The following GADL1 variants were observed in gnomAD, a reference collection of about 807,000 sequenced individuals.
The protein encoded by GADL1 is GAD like acidic amino acid decarboxylase 1.
In GADL1, 71 loss-of-function variants were observed where a neutral mutation model predicts 69.5. The observed-to-expected ratio is 1.02, with a 90% CI of 0.84 to 1.25. The LOEUF (loss-of-function observed/expected upper bound fraction) is 1.25. Among genes scored for constraint, GADL1 ranks in the 50% most tolerant of loss-of-function variants. The probability of loss-of-function intolerance (pLI) is 0.00; values close to 1 mark genes in which losing one functional copy is unlikely to be tolerated. For synonymous variants in GADL1, 254 were observed against 214.4 expected (o/e 1.18, Z -1.62); for missense variants, 737 against 631.8 (o/e 1.17, Z -1.79).
intron 1 of GADL1, among the ~76,000 whole-genome samples, chr3:30,880,722 T>C (rs776155322): frequency 4.6e-5 from 7 of 151,912 alleles, no homozygotes; most frequent in Admixed American, 1.3e-4. Flanking sequence ...GATTTTGGTA[T>C]CCACAGGAGG....
chr3:30,839,126 T>A lies in GADL1; in HGVS notation c.787-13A>T. 1.4e-6 allele frequency: 2 copies of A among 1,473,342 alleles called. No individual in the cohort carries two copies. The highest frequency in any genetic ancestry group is 1.8e-6 in the Non-Finnish European group (2 of 1,096,898). The allele number at this position is 1,473,342 out of a possible 1,614,324, so 91.3% of individuals were successfully genotyped here. A position where few individuals can be genotyped will look rare whatever the true frequency, so the allele number is the denominator to read the frequency against. ...ACGGTGCTGCCCCCTGTAAGAAGGATCCACACACACAAAATTATCACTGTC... is the reference window on the plus strand; with the variant it reads ...ACGGTGCTGCCCCCTGTAAGAAGGAACCACACACACAAAATTATCACTGTC... On this transcript the variant is annotated splice_polypyrimidine_tract_variant and intron_variant, in intron 8 of 14. Transcript: ENST00000282538.
chr3:30,809,928 C>T (rs1481121921), intron 11 of GADL1, among the ~76,000 whole-genome samples: 2 of 152,132 alleles, frequency 1.3e-5, no homozygotes, highest in Admixed American at 1.3e-4. Context: ...GAGCATGAGG[C>T]TATAAGGAGA....
At chr3:30,848,416 A>G (rs1698090458) in intron 6 of GADL1, among the ~76,000 whole-genome samples, 3 of 152,218 alleles carry the variant, frequency 2.0e-5, no homozygotes, top group Admixed American at 1.3e-4. Flanking sequence ...AAATTAGTGC[A>G]CAATTTGTCC....
chr3:30,843,985 T>A (rs13064240), intron 8 of GADL1, among the ~76,000 whole-genome samples: 20,493 of 152,234 alleles, frequency 0.13, 1,612 homozygotes, highest in South Asian at 0.22. Flanking sequence ...GGAACAAGAA[T>A]ATCCGGGAAA....
chr3:30,767,802 A>C (rs998293172), intron 14 of GADL1, among the ~76,000 whole-genome samples: 11 of 152,184 alleles, frequency 7.2e-5, no homozygotes, highest in African/African-American at 2.7e-4. Flanking sequence ...ATTATTACTG[A>C]AGGCCATATT....
chr3:30,818,474 C>T (rs1014688855), intron 11 of GADL1, among the ~76,000 whole-genome samples: 4 of 152,094 alleles, frequency 2.6e-5, no homozygotes, highest in African/African-American at 9.7e-5. Context: ...AGAAATAAAA[C>T]ATGGTTGATT....
rs761256513 is a variant in GADL1 at position 30,728,509 on chromosome 3, C to T, written c.1393-94G>A. The T allele has an allele frequency of 1.1e-4, 109 of 958,308 alleles. No individual in the cohort carries two copies. In the Middle Eastern group the frequency reaches 1.6e-3, roughly 14 times the overall value. 59.4% of individuals were successfully genotyped at this position (958,308 alleles called of 1,614,324 possible). ...CAGCCATTGGACATTTACTGGGCAT[C>T]CACTGGTTTGGATCCCATTCTCATT... is the stretch of plus-strand genomic sequence containing the variant. On this transcript the variant is annotated intron_variant, in intron 14 of 14. Coordinates refer to ENST00000282538, the MANE Select transcript of GADL1 (RefSeq NM_207359.3).
intron 11 of GADL1, among the ~76,000 whole-genome samples, chr3:30,803,901 G>A (rs1697206463): frequency 6.6e-6 from 1 of 152,096 alleles, no homozygotes; most frequent in African/African-American, 2.4e-5. Context: ...AGTTATTATT[G>A]TGCTATCAAA....
chr3:30,872,116 T>C (rs1305857191), intron 1 of GADL1, among the ~76,000 whole-genome samples: 1 of 151,944 alleles, frequency 6.6e-6, no homozygotes, highest in Non-Finnish European at 1.5e-5. Context: ...TCTAAATCTT[T>C]TGAACTTCTA....
At chr3:30,845,698 G>A (rs1698041343) in intron 6 of GADL1, among the ~76,000 whole-genome samples, 1 of 152,126 alleles carries the variant, frequency 6.6e-6, no homozygotes, top group African/African-American at 2.4e-5. Context: ...ATATTGAAGA[G>A]TAATAATGTA....
chr3:30,836,821 A>G (rs1172504001), intron 9 of GADL1, among the ~76,000 whole-genome samples: 1 of 152,106 alleles, frequency 6.6e-6, no homozygotes, highest in Non-Finnish European at 1.5e-5. Flanking sequence ...GACCAGCCCG[A>G]CGTTTTGTTC....
chr3:30,856,885 C>T (rs1698237177), intron 3 of GADL1, 130 bp downstream of exon 3: 5 of 718,096 alleles, frequency 7.0e-6, no homozygotes, highest in Admixed American at 2.9e-5. Flanking sequence ...ATTGCAAAAA[C>T]ATCAGAACTA....
At chr3:30,830,891 G>C (rs1203653795) in intron 11 of GADL1, among the ~76,000 whole-genome samples, 1 of 151,794 alleles carries the variant, frequency 6.6e-6, no homozygotes, top group South Asian at 2.1e-4. Flanking sequence ...GGAATCATTC[G>C]TTCAGTTGCT....
intron 14 of GADL1, among the ~76,000 whole-genome samples, chr3:30,762,980 C>T (rs1696178405): frequency 6.6e-6 from 1 of 152,156 alleles, no homozygotes; most frequent in African/African-American, 2.4e-5. Flanking sequence ...TGTAGATGGA[C>T]ACTTAGGTTG....
At chr3:30,890,452 C>G (rs1006364759) in intron 1 of GADL1, among the ~76,000 whole-genome samples, 1 of 152,268 alleles carries the variant, frequency 6.6e-6, no homozygotes, top group Admixed American at 6.5e-5. Flanking sequence ...CTTTACCAAA[C>G]ACATTAGAAA....
intron 14 of GADL1, among the ~76,000 whole-genome samples, chr3:30,751,750 T>C (rs1695824683): frequency 6.6e-6 from 1 of 152,186 alleles, no homozygotes; most frequent in Non-Finnish European, 1.5e-5. Flanking sequence ...AGATTTCTGC[T>C]GCGCTGGTGC....
chr3:30,874,459 G>A (rs1698548656), intron 1 of GADL1, among the ~76,000 whole-genome samples: 1 of 151,862 alleles, frequency 6.6e-6, no homozygotes, highest in Non-Finnish European at 1.5e-5. Context: ...CTAGGATATG[G>A]GCCAAGGATG....
intron 11 of GADL1, 26 bp from the exon 12 acceptor site, chr3:30,801,114 C>T: frequency 6.4e-7 from 1 of 1,555,312 alleles, no homozygotes; most frequent in Non-Finnish European, 8.9e-7. Flanking sequence ...GATTACAAGA[C>T]TGTTAAACTT....
At chr3:30,755,250 T>C (rs923480731) in intron 14 of GADL1, among the ~76,000 whole-genome samples, 2 of 151,884 alleles carry the variant, frequency 1.3e-5, no homozygotes, top group Non-Finnish European at 2.9e-5. Flanking sequence ...GACTAAAATA[T>C]TCAAAGATGT....
Sources: allele counts gnomAD v4.1 joint callset (sites outside exome capture counted in the v4.1 genomes callset), GRCh38; gene constraint gnomAD v4.1.1; transcripts MANE v1.5; gene names NCBI Gene and HGNC (gene_info 2026-07-23, HGNC 2026-07-21).